The following FAM136A variants were observed in gnomAD, a reference collection of about 807,000 sequenced individuals.
FAM136A encodes the protein TIM double twin CX3C motif protein.
A neutral mutation model predicts 21.6 loss-of-function variants in FAM136A; 25 were observed. That is an observed-to-expected ratio of 1.16 (90% CI 0.84 to 1.62). The LOEUF is 1.62. Ranked by LOEUF, FAM136A falls within the 40% of genes most tolerant of loss-of-function variation. FAM136A has a pLI of 0.00. For missense variants in FAM136A, 338 were observed against 332.0 expected (o/e 1.02, Z -0.14); for synonymous variants, 119 against 129.4 (o/e 0.92, Z 0.55).
In FAM136A at chr2:70,301,776, T is replaced by C. The variant is rs577013790; in HGVS notation, c.236A>G (p.Gln79Arg). ...RPWGRRGGLG[Q>R]DFGSFGGSDE... is the part of the protein sequence containing the mutation. ...CGATCCGCCAAAGCTTCCGAAGTCC[T>C]GTCCGAGGCCGCCCCGGCGACCCCA... Residue 79 changes from glutamine (Q) to arginine (R), a missense_variant, in exon 1 of 3, where the codon CAG becomes CGG. By Grantham distance (43) the Gln-to-Arg change is conservative (BLOSUM62 1). Coordinates refer to ENST00000430566, the MANE Select transcript of FAM136A (RefSeq NM_001329752.2). The C allele has an allele frequency of 1.4e-4, 220 of 1,545,888 alleles. No individual in the cohort carries two copies. The highest frequency in any genetic ancestry group is 1.4e-3 in the South Asian group (114 of 83,966).
rs1697259599 is a variant in FAM136A at position 70,296,804 on chromosome 2, T to A, written c.*485A>T. The A allele has an allele frequency of 6.6e-6, 1 of 152,438 alleles. No homozygotes were observed. The highest frequency in any genetic ancestry group is 2.4e-5 in the African/African-American group (1 of 41,438). The allele number at this position is 152,438 out of a possible 1,614,324, so 9.4% of individuals were successfully genotyped here. On this transcript the variant is annotated 3_prime_UTR_variant, in exon 3 of 3. Coordinates refer to ENST00000430566, the MANE Select transcript of FAM136A (RefSeq NM_001329752.2). ...AAGAAAACAAAGACCCAGAAAACTTTCTTTCCCTTCTAAGTTAGTGACCTC... is the reference window on the plus strand; with the variant it reads ...AAGAAAACAAAGACCCAGAAAACTTACTTTCCCTTCTAAGTTAGTGACCTC...
rs779074418 is a variant in FAM136A, at chr2:70,300,958, G to T, written c.431C>A (p.Ala144Asp). The change falls in exon 2 of 3, where the codon GCC becomes GAC. Residue 144 changes from alanine (A) to aspartate (D), a missense_variant. By Grantham distance (126) the Ala-to-Asp change is moderately radical. Transcript: ENST00000430566. ...LPQGLMFRCS[A>D]SCCEDSQASM... ...GGCCTGGCTGTCCTCACAACAGCTG[G>T]CGCTGCACCGGAACATGAGACCCTG... 6.2e-7 allele frequency: 1 copy of T among 1,612,502 alleles called. No individual in the cohort carries two copies. Among genetic ancestry groups the T allele is most frequent in the South Asian group, 1.1e-5 (1 of 91,058 alleles).
intron 1 of FAM136A, 123 bp from the exon 2 acceptor site, chr2:70,301,103 A>T: frequency 1.7e-6 from 2 of 1,190,948 alleles, no homozygotes; most frequent in Non-Finnish European, 2.4e-6. Context: ...TTCTGCTTTC[A>T]CCTTCCCTGA....
intron 2 of FAM136A, among the ~76,000 whole-genome samples, chr2:70,297,841 A>G (rs1014044961): frequency 8.7e-5 from 13 of 150,284 alleles, no homozygotes; most frequent in Admixed American, 2.0e-4. Flanking sequence ...GGATCTCCCT[A>G]TGTTGCCCAG....
At chr2:70,299,235 A>C (rs1697330414) in intron 2 of FAM136A, among the ~76,000 whole-genome samples, 1 of 152,232 alleles carries the variant, frequency 6.6e-6, no homozygotes, top group Non-Finnish European at 1.5e-5. Flanking sequence ...GCTGGCTTGG[A>C]AGTAGGCTTG....
intron 2 of FAM136A, among the ~76,000 whole-genome samples, chr2:70,299,589 AT>A (rs893313693): frequency 2.9e-4 from 44 of 152,032 alleles, no homozygotes; most frequent in African/African-American, 9.4e-4. Flanking sequence ...AGGAAACTTT[AT>A]TTTTTTATTT....
chr2:70,295,977 G>A lies in FAM136A; in HGVS notation c.*1312C>T, dbSNP rs2104932620. 1 of 152,590 alleles carries A rather than the reference G, an allele frequency of 6.6e-6. No homozygotes were observed. Among genetic ancestry groups the A allele is most frequent in the South Asian group, 2.1e-4 (1 of 4,816 alleles). The allele number at this position is 152,590 out of a possible 1,614,324, so 9.5% of individuals were successfully genotyped here. On this transcript the variant is annotated 3_prime_UTR_variant, in exon 3 of 3. Coordinates refer to ENST00000430566, the MANE Select transcript of FAM136A (RefSeq NM_001329752.2). ...ATATAAGGAAAGAAGACTCAATAGT[G>A]GGGAGAAAATTAAACCTTATTTATT... is the stretch of plus-strand genomic sequence containing the variant.
At chr2:70,300,665 T>G (rs984246636) in intron 2 of FAM136A, 175 bp downstream of exon 2, 5 of 678,340 alleles carry the variant, frequency 7.4e-6, no homozygotes, top group African/African-American at 1.8e-5. Flanking sequence ...CTTAAGGCAC[T>G]CGACCGCCAA....
rs1697416507 is a variant in FAM136A at position 70,301,879 on chromosome 2, C to T, written c.133G>A (p.Val45Ile). The T allele has an allele frequency of 1.3e-6, 2 of 1,571,888 alleles. No homozygotes were observed. Among genetic ancestry groups the T allele is most frequent in the Non-Finnish European group, 1.7e-6 (2 of 1,159,096 alleles). The change falls in exon 1 of 3, where the codon GTT becomes ATT. Residue 45 changes from valine to isoleucine, a missense_variant. Transcript: ENST00000430566. ...PNQDPLLSGW[V>I]PGPSLSHHAT... The stretch of plus-strand genomic sequence containing the variant: ...TGGTGGCTGAGGGAAGGGCCCGGAA[C>T]CCACCCGCTGAGAAGGGGGTCCTGG...
At position 70,296,125 on chromosome 2, in the gene FAM136A, T is replaced by A. The variant is rs752314536; in HGVS notation, c.*1164A>T. ...CGAAGTTGCTATCAAAACAATAAGG[T>A]GCCATGCTGGGGCAGGAACACTGCC... On this transcript the variant is annotated 3_prime_UTR_variant, in exon 3 of 3. Coordinates refer to ENST00000430566, the MANE Select transcript of FAM136A (RefSeq NM_001329752.2). 6.6e-6 allele frequency: 1 copy of A among 152,626 alleles called. No individual in the cohort carries two copies. Among genetic ancestry groups the A allele is most frequent in the Non-Finnish European group, 1.5e-5 (1 of 68,038 alleles). 9.5% of individuals were successfully genotyped at this position (152,626 alleles called of 1,614,324 possible).
At position 70,297,317 on chromosome 2, in the gene FAM136A, T is replaced by C. The variant is rs1180364727; in HGVS notation, c.710A>G (p.Lys237Arg). Residue 237 changes from lysine (K) to arginine (R), a missense_variant, in exon 3 of 3, where the codon AAG becomes AGG. Physicochemically the swap from Lys to Arg is conservative, Grantham distance 26. Transcript: ENST00000430566. ...TTTTCCAATTGATAAGAGAGCCTCCTTCATCTTCTTGGTCATAGTTGGGAT... is the reference window on the plus strand; with the variant it reads ...TTTTCCAATTGATAAGAGAGCCTCCCTCATCTTCTTGGTCATAGTTGGGAT... ...HLIPTMTKKM[K>R]EALLSIGK The C allele has an allele frequency of 1.2e-6, 2 of 1,613,982 alleles. No homozygotes were observed. Among genetic ancestry groups the C allele is most frequent in the Admixed American group, 3.3e-5 (2 of 60,028 alleles).
At position 70,297,421 on chromosome 2, in the gene FAM136A, A is replaced by G. The variant is rs150543829; in HGVS notation, c.606T>C (p.Asp202=). Residue 202 remains aspartate, a synonymous_variant, in exon 3 of 3, where the codon GAT becomes GAC. Coordinates refer to ENST00000430566, the MANE Select transcript of FAM136A (RefSeq NM_001329752.2). ...HCNDKAKDSI[D]AGSKELQVKQ... ...TCACCTGAAGCTCCTTACTCCCAGC[A>G]TCTATTGAATCTTTGGCTTTGTCGT... 2.5e-6 allele frequency: 4 copies of G among 1,614,026 alleles called. No individual in the cohort carries two copies. The African/African-American group carries it at 4.0e-5, about 16-fold the overall frequency.
rs1308149388 is a variant in FAM136A at position 70,301,088 on chromosome 2, CCACCTTCTGCTTT to C, written c.409-121_409-109del. 4 of 1,297,932 alleles carry C rather than the reference CCACCTTCTGCTTT, an allele frequency of 3.1e-6. No homozygotes were observed. In the African/African-American group the frequency reaches 6.0e-5, roughly 19 times the overall value. 80.4% of individuals were successfully genotyped at this position (1,297,932 alleles called of 1,614,324 possible). A position where few individuals can be genotyped will look rare whatever the true frequency, so the allele number is the denominator to read the frequency against. ...CACGTGGATATTTGCACCTCTCTCT[CCACCTTCTGCTTT>C]CACCTTCCCTGAGAATAGACACCAG... On this transcript the variant is annotated intron_variant, in intron 1 of 2. Transcript: ENST00000430566.
intron 2 of FAM136A, among the ~76,000 whole-genome samples, chr2:70,298,184 C>T (rs557288280): frequency 6.6e-6 from 1 of 152,068 alleles, no homozygotes; most frequent in Non-Finnish European, 1.5e-5. Flanking sequence ...CCTCCACCTC[C>T]CGGGTTCAAG....
At chr2:70,301,440 G>A in intron 1 of FAM136A, 164 bp downstream of exon 1, 1 of 1,535,522 alleles carries the variant, frequency 6.5e-7, no homozygotes, top group Non-Finnish European at 8.7e-7. Context: ...AACACACAGA[G>A]GCATTGCGGG....
At position 70,301,812 on chromosome 2, in the gene FAM136A, C is replaced by A; in HGVS notation, c.200G>T (p.Cys67Phe). The change falls in exon 1 of 3, where the codon TGT becomes TTT. Residue 67 changes from cysteine (C) to phenylalanine (F), a missense_variant. Cys to Phe is a radical substitution (Grantham distance 205, BLOSUM62 -2). Coordinates refer to ENST00000430566, the MANE Select transcript of FAM136A (RefSeq NM_001329752.2). ...CTAAASPQTG[C>F]GRPWGRRGGL... ...GCCCCGGCGACCCCAGGGCCGCCCA[C>A]ACCCGGTCTGCGGGGACGCGGCTGC... The A allele has an allele frequency of 1.3e-6, 2 of 1,548,502 alleles. No homozygotes were observed. Among genetic ancestry groups the A allele is most frequent in the Non-Finnish European group, 1.7e-6 (2 of 1,145,732 alleles).
At chr2:70,300,703 G>T in intron 2 of FAM136A, 137 bp downstream of exon 2, 1 of 1,062,408 alleles carries the variant, frequency 9.4e-7, no homozygotes, top group Non-Finnish European at 1.3e-6. Flanking sequence ...CAAACCCTGT[G>T]AAAACTGGTT....
chr2:70,301,864 G>A lies in FAM136A; in HGVS notation c.148C>T (p.Leu50Phe). 6.4e-7 allele frequency: 1 copy of A among 1,557,908 alleles called. No homozygotes were observed. The highest frequency in any genetic ancestry group is 8.7e-7 in the Non-Finnish European group (1 of 1,150,978). The change falls in exon 1 of 3, where the codon CTC (leucine) becomes TTC (phenylalanine). Residue 50 changes from leucine to phenylalanine, a missense_variant. Leu to Phe is a conservative substitution (Grantham distance 22). Coordinates refer to ENST00000430566, the MANE Select transcript of FAM136A (RefSeq NM_001329752.2). ...GTGCAAGGCGTCGCGTGGTGGCTGA[G>A]GGAAGGGCCCGGAACCCACCCGCTG... ...LLSGWVPGPS[L>F]SHHATPCTAA...
In FAM136A at chr2:70,301,904, G is replaced by C. The variant is rs770049507; in HGVS notation, c.108C>G (p.Asn36Lys). ...RKMQVAGLGP[N>K]QDPLLSGWVP... ...CCCACCCGCTGAGAAGGGGGTCCTG[G>C]TTCGGCCCCAGCCCCGCTACCTGCA... Residue 36 changes from asparagine to lysine, a missense_variant, in exon 1 of 3, where the codon AAC becomes AAG. Asn to Lys is a moderately conservative substitution (Grantham distance 94, BLOSUM62 0). Coordinates refer to ENST00000430566, the MANE Select transcript of FAM136A (RefSeq NM_001329752.2). 2.5e-6 allele frequency: 4 copies of C among 1,598,562 alleles called. No homozygotes were observed. In the African/African-American group the frequency reaches 5.4e-5, roughly 21 times the overall value.
Sources: gnomAD v4.1 joint callset for allele counts (sites outside exome capture counted in the v4.1 genomes callset) on GRCh38, gnomAD v4.1.1 for gene constraint, MANE v1.5 for transcripts, NCBI Gene and HGNC (gene_info 2026-07-23, HGNC 2026-07-21) for gene names.